The following NYAP2 variants were observed in gnomAD, a reference collection of about 807,000 sequenced individuals.
NYAP2 encodes neuronal tyrosine-phosphorylated phosphoinositide-3-kinase adaptor 2, also known as neuronal tyrosine-phosphorylated phosphoinositide-3-kinase adapter 2.
In NYAP2, 23 loss-of-function variants were observed where a neutral mutation model predicts 50.4. That is an observed-to-expected ratio of 0.46 (90% CI 0.33 to 0.65). The LOEUF is 0.65. Among genes scored for constraint, NYAP2 ranks in the 30% least tolerant of loss-of-function variants. NYAP2 has a pLI of 0.02. For missense variants in NYAP2, 885 were observed against 861.0 expected (o/e 1.03, Z -0.35); for synonymous variants, 394 against 365.2 (o/e 1.08, Z -0.90).
At chr2:225,657,351 C>T (rs1043390056), downstream of NYAP2, among the ~76,000 whole-genome samples, 3 of 151,600 alleles carry the variant, frequency 2.0e-5, no homozygotes, top group Non-Finnish European at 2.9e-5. Context: ...ACCTCGTGAT[C>T]CACCTGCCTC....
intron 3 of NYAP2, among the ~76,000 whole-genome samples, chr2:225,501,605 A>G (rs1174141107): frequency 6.6e-6 from 1 of 152,144 alleles, no homozygotes; most frequent in African/African-American, 2.4e-5. Context: ...TGAAAACAGC[A>G]TTCCATCATA....
At chr2:225,477,482 T>C (rs986115062) in intron 3 of NYAP2, among the ~76,000 whole-genome samples, 1 of 151,870 alleles carries the variant, frequency 6.6e-6, no homozygotes. Flanking sequence ...GTGATCCGCC[T>C]GCCTCGGCCT....
At chr2:225,482,649 G>A (rs1248985326) in intron 3 of NYAP2, among the ~76,000 whole-genome samples, 2 of 152,014 alleles carry the variant, frequency 1.3e-5, no homozygotes, top group Non-Finnish European at 2.9e-5. Context: ...CTTCCAAAAT[G>A]TTACTTGATG....
At chr2:225,700,673 C>T in the NYAP2 span, 1 of 151,776 alleles carries the variant, frequency 6.6e-6, no homozygotes, top group African/African-American at 2.4e-5. Context: ...GATACTAATT[C>T]TCAGCATGTC....
At chr2:225,541,025 AT>A (rs1691459896) in intron 4 of NYAP2, among the ~76,000 whole-genome samples, 1 of 152,084 alleles carries the variant, frequency 6.6e-6, no homozygotes, top group African/African-American at 2.4e-5. Context: ...TTTGATTTGC[AT>A]TTCTTTGATG....
chr2:225,608,253 G>A (rs552608145), intron 5 of NYAP2, among the ~76,000 whole-genome samples: 39 of 152,214 alleles, frequency 2.6e-4, no homozygotes, highest in African/African-American at 9.4e-4. Flanking sequence ...ACGTTGAAAA[G>A]GGTATTTTAG....
At chr2:225,650,421 G>A (rs1269450274) in intron 6 of NYAP2, among the ~76,000 whole-genome samples, 1 of 152,104 alleles carries the variant, frequency 6.6e-6, no homozygotes, top group African/African-American at 2.4e-5. Context: ...CCAGTTGTTC[G>A]ATGAGTTTAA....
intron 5 of NYAP2, among the ~76,000 whole-genome samples, chr2:225,614,608 G>C (rs1010219353): frequency 6.6e-6 from 1 of 152,126 alleles, no homozygotes; most frequent in African/African-American, 2.4e-5. Flanking sequence ...AACTGTATTT[G>C]TCAACCTAAT....
At chr2:225,449,662 G>A (rs535801005) in intron 3 of NYAP2, among the ~76,000 whole-genome samples, 3 of 136,634 alleles carry the variant, frequency 2.2e-5, no homozygotes, top group Admixed American at 1.6e-4. Context: ...AGGCTGGAGT[G>A]CAGAGGCACA....
intron 5 of NYAP2, among the ~76,000 whole-genome samples, chr2:225,585,380 A>T (rs1043404314): frequency 1.3e-5 from 2 of 152,246 alleles, no homozygotes; most frequent in Non-Finnish European, 2.9e-5. Context: ...AAAAAAGTAT[A>T]TGTAAAAGAA....
intron 4 of NYAP2, among the ~76,000 whole-genome samples, chr2:225,518,509 A>G (rs1690975548): frequency 8.2e-6 from 1 of 121,814 alleles, no homozygotes; most frequent in Non-Finnish European, 1.7e-5. Flanking sequence ...AAAAAAAAAC[A>G]GTATGTGAGC....
intron 6 of NYAP2, among the ~76,000 whole-genome samples, chr2:225,634,618 C>T (rs936463485): frequency 2.6e-5 from 4 of 152,214 alleles, no homozygotes; most frequent in Non-Finnish European, 4.4e-5. Flanking sequence ...ATTATAAATG[C>T]ATGCATAAGG....
chr2:225,493,838 C>T (rs1048437393), intron 3 of NYAP2, among the ~76,000 whole-genome samples: 5 of 152,200 alleles, frequency 3.3e-5, no homozygotes, highest in African/African-American at 9.6e-5. Flanking sequence ...TTTTAAGCTA[C>T]CAATGTGAAG....
intron 4 of NYAP2, among the ~76,000 whole-genome samples, chr2:225,558,244 T>G (rs1315228423): frequency 2.0e-5 from 3 of 152,190 alleles, no homozygotes; most frequent in African/African-American, 7.2e-5. Flanking sequence ...AGTATGTGTA[T>G]CACAAACTTA....
At chr2:225,451,423 A>G (rs1313258250) in intron 3 of NYAP2, among the ~76,000 whole-genome samples, 4 of 152,228 alleles carry the variant, frequency 2.6e-5, no homozygotes, top group African/African-American at 9.6e-5. Context: ...ATTTCATTGC[A>G]GCTAAAAAAA....
chr2:225,565,383 T>C (rs1559215954), intron 4 of NYAP2, among the ~76,000 whole-genome samples: 2 of 152,202 alleles, frequency 1.3e-5, no homozygotes, highest in Non-Finnish European at 2.9e-5. Context: ...AATCCATTTC[T>C]ATTACCTTCA....
At chr2:225,660,287 G>A in the NYAP2 span, among the ~76,000 whole-genome samples, 7 of 152,112 alleles carry the variant, frequency 4.6e-5, no homozygotes, top group Non-Finnish European at 7.3e-5. Flanking sequence ...TTGGCTACAG[G>A]TAGCATTTCA....
chr2:225,592,037 G>A lies in NYAP2; in HGVS notation c.1618+9002G>A, dbSNP rs558077898. Among the ~76,000 whole-genome samples, 15 of 152,254 alleles carry A rather than the reference G, an allele frequency of 9.9e-5. No homozygotes were observed. In the South Asian group the frequency reaches 2.7e-3, roughly 27 times the overall value. ...CTGCTGCCCAGTGGGCCTCAGAATC[G>A]CCTAAATGACCTAAGCAAAAAGATG... On this transcript the variant is annotated intron_variant, in intron 5 of 6. Transcript: ENST00000636099.
At chr2:225,543,339 A>G (rs1691508991) in intron 4 of NYAP2, among the ~76,000 whole-genome samples, 1 of 151,678 alleles carries the variant, frequency 6.6e-6, no homozygotes, top group African/African-American at 2.4e-5. Flanking sequence ...TTTAAGACAC[A>G]TCTTTAGGTA....
Sources: gnomAD v4.1 joint callset for allele counts (sites outside exome capture counted in the v4.1 genomes callset) on GRCh38, gnomAD v4.1.1 for gene constraint, MANE v1.5 for transcripts, NCBI Gene and HGNC (gene_info 2026-07-23, HGNC 2026-07-21) for gene names.